WASL: variants seen among roughly 807,000 people sequenced by gnomAD.
WASL encodes actin nucleation-promoting factor WASL.
A neutral mutation model predicts 55.5 loss-of-function variants in WASL; 20 were observed. The observed-to-expected ratio is 0.36, with a 90% CI of 0.25 to 0.52. The LOEUF is 0.52. Among genes scored for constraint, WASL ranks in the 20% least tolerant of loss-of-function variants. The probability of loss-of-function intolerance (pLI) is 0.92; values close to 1 mark genes in which losing one functional copy is unlikely to be tolerated. For synonymous variants in WASL, 249 were observed against 217.6 expected, an observed-to-expected ratio of 1.14 and a Z score of -1.27; for missense variants, 504 against 622.5, an observed-to-expected ratio of 0.81 and a Z score of 2.03.
At chr7:123,718,430 T>C (rs1803881567) in intron 1 of WASL, among the ~76,000 whole-genome samples, 1 of 152,196 alleles carries the variant, frequency 6.6e-6, no homozygotes, top group Admixed American at 6.5e-5. Context: ...TATAGTGATC[T>C]TATCCATTTA....
chr7:123,692,842 C>A lies in WASL; in HGVS notation c.852G>T (p.Arg284Ser). The stretch of plus-strand genomic sequence containing the variant: ...GGGGAGGAGGAGGAGGTGGCCCTCC[C>A]CTTGATGGTGGTGGAGGTGGTGGTG... Reference protein sequence around the residue: ...RQAPPPPPPSRGGPPPPPPPP... With the variant: ...RQAPPPPPPSSGGPPPPPPPP... Residue 284 changes from arginine to serine, a missense_variant, in exon 9 of 11, where the codon AGG becomes AGT. Arg to Ser is a moderately radical substitution (Grantham distance 110). This residue lies in a region of WASL where 201 missense variants were observed against 206.2 expected (regional missense o/e 0.97). Coordinates refer to ENST00000223023, the MANE Select transcript of WASL (RefSeq NM_003941.4). 7.2e-7 allele frequency: 1 copy of A among 1,382,726 alleles called. No homozygotes were observed. 85.7% of individuals were successfully genotyped at this position (1,382,726 alleles called of 1,614,324 possible). A position where few individuals can be genotyped will look rare whatever the true frequency, so the allele number is the denominator to read the frequency against.
At chr7:123,691,284 ATGT>A (rs1274334088) in intron 9 of WASL, among the ~76,000 whole-genome samples, 2 of 152,158 alleles carry the variant, frequency 1.3e-5, no homozygotes, top group African/African-American at 4.8e-5. Context: ...CCTGGAGAAC[ATGT>A]TATAAAAGGC....
chr7:123,732,171 C>CA (rs901616367), intron 1 of WASL, among the ~76,000 whole-genome samples: 46 of 150,742 alleles, frequency 3.1e-4, no homozygotes, highest in African/African-American at 1.0e-3. Flanking sequence ...ACTAAAAATA[C>CA]AAAAAAAAAT....
chr7:123,745,085 A>G (rs2116830795), intron 1 of WASL, among the ~76,000 whole-genome samples: 1 of 152,272 alleles, frequency 6.6e-6, no homozygotes, highest in Non-Finnish European at 1.5e-5. Context: ...GAGAATAAAA[A>G]TATGTTTCTG....
At chr7:123,709,291 C>T (rs1803719749) in intron 1 of WASL, 68 bp from the exon 2 acceptor site, 3 of 1,394,904 alleles carry the variant, frequency 2.2e-6, no homozygotes, top group Admixed American at 4.7e-5. Context: ...CCCCTGCTGA[C>T]AGCTTGACCG....
intron 5 of WASL, among the ~76,000 whole-genome samples, chr7:123,698,190 C>A (rs539001464): frequency 1.3e-5 from 2 of 152,108 alleles, no homozygotes; most frequent in Admixed American, 1.3e-4. Context: ...TGGTGAATCA[C>A]CACCTCTGAG....
chr7:123,699,071 CAGAATTAGG>C (rs1354287485), intron 5 of WASL, among the ~76,000 whole-genome samples: 1 of 152,114 alleles, frequency 6.6e-6, no homozygotes, highest in African/African-American at 2.4e-5. Flanking sequence ...AGAATTAAGA[CAGAATTAGG>C]AGTATCAGAA....
At chr7:123,741,514 G>A (rs1021098923) in intron 1 of WASL, among the ~76,000 whole-genome samples, 2 of 152,106 alleles carry the variant, frequency 1.3e-5, no homozygotes, top group African/African-American at 4.8e-5. Flanking sequence ...AGAACCTTTA[G>A]AGTAAGAGTG....
intron 1 of WASL, among the ~76,000 whole-genome samples, chr7:123,736,159 T>C (rs550165300): frequency 2.0e-5 from 3 of 152,282 alleles, no homozygotes; most frequent in Non-Finnish European, 2.9e-5. Context: ...TATCAACTTA[T>C]AATTTTATAC....
intron 5 of WASL, among the ~76,000 whole-genome samples, chr7:123,697,677 A>T (rs1283636198): frequency 6.6e-6 from 1 of 152,220 alleles, no homozygotes; most frequent in Non-Finnish European, 1.5e-5. Flanking sequence ...GTTGTGTAGA[A>T]AAGAGTTTAA....
chr7:123,725,111 G>A (rs185047605), intron 1 of WASL, among the ~76,000 whole-genome samples: 1 of 152,310 alleles, frequency 6.6e-6, no homozygotes, highest in African/African-American at 2.4e-5. Context: ...AATTTTCAAA[G>A]TACAACAAGG....
chr7:123,727,806 T>C (rs1330259006), intron 1 of WASL, among the ~76,000 whole-genome samples: 2 of 152,214 alleles, frequency 1.3e-5, no homozygotes, highest in Non-Finnish European at 2.9e-5. Flanking sequence ...GTGTATTTTA[T>C]TATACATAAA....
At chr7:123,716,647 TAA>T (rs2116798836) in intron 1 of WASL, among the ~76,000 whole-genome samples, 1 of 145,516 alleles carries the variant, frequency 6.9e-6, no homozygotes, top group East Asian at 2.1e-4. Flanking sequence ...GAGAGAGAGG[TAA>T]AGAGAGAGGG....
Position 123,684,289 on chromosome 7 carries a change from C to A in WASL, c.*230G>T. Reference sequence around the variant, plus strand: ...GAAAAATATTCACAAATCAAGTGAGCATCCTGGTGTAAACTTGCACACAAT... The same window carrying A: ...GAAAAATATTCACAAATCAAGTGAGAATCCTGGTGTAAACTTGCACACAAT... On this transcript the variant is annotated 3_prime_UTR_variant, in exon 11 of 11. Coordinates refer to ENST00000223023, the MANE Select transcript of WASL (RefSeq NM_003941.4). 4.9e-6 allele frequency: 1 copy of A among 204,850 alleles called. No individual in the cohort carries two copies. The allele number at this position is 204,850 out of a possible 1,614,324, so 12.7% of individuals were successfully genotyped here. A position where few individuals can be genotyped will look rare whatever the true frequency, so the allele number is the denominator to read the frequency against.
intron 10 of WASL, among the ~76,000 whole-genome samples, chr7:123,685,558 A>G (rs964757117): frequency 3.3e-5 from 5 of 152,014 alleles, no homozygotes; most frequent in African/African-American, 1.2e-4. Flanking sequence ...CATAATCAGT[A>G]ACGGCCTATC....
chr7:123,748,797 TCC>T lies in WASL; in HGVS notation c.-65_-64del. 1 of 1,352,364 alleles carries T rather than the reference TCC, an allele frequency of 7.4e-7. No homozygotes were observed. Among genetic ancestry groups the T allele is most frequent in the Non-Finnish European group, 9.8e-7 (1 of 1,017,518 alleles). 83.8% of individuals were successfully genotyped at this position (1,352,364 alleles called of 1,614,324 possible). A position where few individuals can be genotyped will look rare whatever the true frequency, so the allele number is the denominator to read the frequency against. ...CTCCGGCGAGTGGGCGAGAGCTCGTTCCCCCTCTCGGTGACAGGGGCGGGGAG... is the reference window on the plus strand; with the variant it reads ...CTCCGGCGAGTGGGCGAGAGCTCGTTCCCTCTCGGTGACAGGGGCGGGGAG... On this transcript the variant is annotated 5_prime_UTR_variant, in exon 1 of 11. Transcript: ENST00000223023.
chr7:123,684,692 C>A (rs72607717), intron 10 of WASL, 112 bp from the exon 11 acceptor site: 28 of 276,034 alleles, frequency 1.0e-4, no homozygotes, highest in Non-Finnish European at 1.2e-4. Context: ...ATGTGACTCC[C>A]AGAAGAATCT....
chr7:123,696,553 T>G, intron 6 of WASL, 26 bp downstream of exon 6: 9 of 1,525,026 alleles, frequency 5.9e-6, no homozygotes, highest in Non-Finnish European at 7.9e-6. Flanking sequence ...AAAGTGAAGA[T>G]AAGAACAACA....
At position 123,695,902 on chromosome 7, in the gene WASL, A is replaced by G. The variant is rs1803484036; in HGVS notation, c.630-37T>C. ...AATAGAAAAAAAATAGAAAAACAAA[A>G]TGCATAAAGGGCATTATAAACACAA... On this transcript the variant is annotated intron_variant, in intron 6 of 10. Coordinates refer to ENST00000223023, the MANE Select transcript of WASL (RefSeq NM_003941.4). 2.5e-6 allele frequency: 4 copies of G among 1,596,296 alleles called. No homozygotes were observed. In the East Asian group the frequency reaches 6.7e-5, roughly 27 times the overall value.
Sources: allele counts gnomAD v4.1 joint callset (sites outside exome capture counted in the v4.1 genomes callset), GRCh38; gene constraint gnomAD v4.1.1; regional missense constraint gnomAD v4.1.1; transcripts MANE v1.5; gene names NCBI Gene and HGNC (gene_info 2026-07-23, HGNC 2026-07-21).